Variants in WNT7A observed in about 807,000 individuals in gnomAD.
The protein encoded by WNT7A is protein Wnt-7a.
Under a neutral mutation model 28.2 loss-of-function variants are expected in WNT7A, and 16 were observed. That is an observed-to-expected ratio of 0.57 (90% CI 0.38 to 0.86). WNT7A has a LOEUF of 0.86. Among genes scored for constraint, WNT7A ranks in the 40% least tolerant of loss-of-function variants. The pLI, the probability that WNT7A is intolerant of heterozygous loss-of-function variation, is 0.00. For synonymous variants in WNT7A, 190 were observed against 195.9 expected, an observed-to-expected ratio of 0.97 and a Z score of 0.25; for missense variants, 411 against 489.7, an observed-to-expected ratio of 0.84 and a Z score of 1.52.
At chr3:13,821,972 G>A (rs1424003565) in intron 3 of WNT7A, among the ~76,000 whole-genome samples, 1 of 152,178 alleles carries the variant, frequency 6.6e-6, no homozygotes, top group African/African-American at 2.4e-5. Context: ...TACAATCAAT[G>A]GCCAACAAGC....
chr3:13,822,231 T>C (rs531371819), intron 3 of WNT7A, among the ~76,000 whole-genome samples: 4 of 152,352 alleles, frequency 2.6e-5, no homozygotes, highest in South Asian at 4.1e-4. Context: ...CCTAGGCGTA[T>C]GCCCAAGAGA....
At chr3:13,858,019 G>A (rs1694774152) in intron 2 of WNT7A, among the ~76,000 whole-genome samples, 1 of 152,224 alleles carries the variant, frequency 6.6e-6, no homozygotes, top group African/African-American at 2.4e-5. Context: ...CAAGAGGGCT[G>A]AGAGGTAAGG....
intron 3 of WNT7A, among the ~76,000 whole-genome samples, chr3:13,847,835 T>A (rs924894696): frequency 2.0e-5 from 3 of 152,100 alleles, no homozygotes; most frequent in African/African-American, 4.8e-5. Flanking sequence ...GGTGGTTGTT[T>A]AACAGGGACA....
chr3:13,856,154 G>T (rs781664008), intron 2 of WNT7A, among the ~76,000 whole-genome samples: 1 of 152,164 alleles, frequency 6.6e-6, no homozygotes, highest in Admixed American at 6.5e-5. Flanking sequence ...TTGCCGTGGC[G>T]TGCCATGCCA....
intron 1 of WNT7A, among the ~76,000 whole-genome samples, chr3:13,876,675 C>T (rs1695115592): frequency 6.6e-6 from 1 of 152,138 alleles, no homozygotes; most frequent in South Asian, 2.1e-4. Context: ...TCACTCCTGC[C>T]GTTTCCCTAG....
At chr3:13,834,472 C>A (rs1388073740) in intron 3 of WNT7A, among the ~76,000 whole-genome samples, 9 of 151,994 alleles carry the variant, frequency 5.9e-5, no homozygotes, top group Non-Finnish European at 1.3e-4. Flanking sequence ...TACGGGGCTC[C>A]TTTTACTGTT....
chr3:13,871,412 C>T (rs1381437471), intron 2 of WNT7A, among the ~76,000 whole-genome samples: 2 of 152,138 alleles, frequency 1.3e-5, no homozygotes, highest in Non-Finnish European at 2.9e-5. Context: ...GAAACCTAAG[C>T]TCAGGGGCAT....
intron 3 of WNT7A, among the ~76,000 whole-genome samples, chr3:13,840,638 A>G (rs557438646): frequency 6.6e-6 from 1 of 152,094 alleles, no homozygotes; most frequent in African/African-American, 2.4e-5. Flanking sequence ...CCACCCATTC[A>G]GCCATCCATC....
chr3:13,855,374 T>TAA (rs34390487), intron 2 of WNT7A, among the ~76,000 whole-genome samples: 103,915 of 151,906 alleles, frequency 0.68, 37,359 homozygotes, highest in East Asian at 0.91. Context: ...TGAGGGAGAA[T>TAA]GAGTTTGTCC....
At chr3:13,848,067 T>TAAAAAA (rs58146750) in intron 3 of WNT7A, among the ~76,000 whole-genome samples, 1 of 151,568 alleles carries the variant, frequency 6.6e-6, no homozygotes, top group African/African-American at 2.4e-5. Flanking sequence ...ATGAATTTTT[T>TAAAAAA]AAAAAAAACA....
chr3:13,834,412 C>A (rs1284152735), intron 3 of WNT7A, among the ~76,000 whole-genome samples: 3 of 151,926 alleles, frequency 2.0e-5, no homozygotes, highest in Non-Finnish European at 4.4e-5. Flanking sequence ...CAGGGGCACG[C>A]TGTGGGTCAG....
intron 3 of WNT7A, among the ~76,000 whole-genome samples, chr3:13,837,747 T>C (rs1391018858): frequency 6.6e-6 from 1 of 152,180 alleles, no homozygotes; most frequent in Admixed American, 6.5e-5. Flanking sequence ...GGGTCACACC[T>C]GGCTGAACAT....
At chr3:13,877,304 G>C (rs1695124232) in intron 1 of WNT7A, 2 of 152,304 alleles carry the variant, frequency 1.3e-5, no homozygotes, top group Admixed American at 1.3e-4. Flanking sequence ...CCTGGAGGAA[G>C]GTTCTCAGCT....
At chr3:13,868,226 G>T (rs1169615634) in intron 2 of WNT7A, among the ~76,000 whole-genome samples, 3 of 152,014 alleles carry the variant, frequency 2.0e-5, no homozygotes, top group Non-Finnish European at 4.4e-5. Context: ...AGGTGCAGTG[G>T]CTCACACCTG....
chr3:13,845,802 A>G (rs1275350494), intron 3 of WNT7A, among the ~76,000 whole-genome samples: 1 of 152,360 alleles, frequency 6.6e-6, no homozygotes, highest in African/African-American at 2.4e-5. Flanking sequence ...CACCAAGAGT[A>G]TGCCAGGCCC....
At chr3:13,820,303 G>A (rs1013100211) in intron 3 of WNT7A, among the ~76,000 whole-genome samples, 3 of 152,090 alleles carry the variant, frequency 2.0e-5, no homozygotes, top group Non-Finnish European at 4.4e-5. Flanking sequence ...AGGGGTAAGT[G>A]AGTGGACATT....
At chr3:13,862,973 C>T (rs191730081) in intron 2 of WNT7A, among the ~76,000 whole-genome samples, 1 of 152,316 alleles carries the variant, frequency 6.6e-6, no homozygotes, top group Admixed American at 6.5e-5. Context: ...TCTGGGTTCA[C>T]ATCCTGACCC....
At chr3:13,844,997 C>T (rs1422680198) in intron 3 of WNT7A, among the ~76,000 whole-genome samples, 3 of 152,204 alleles carry the variant, frequency 2.0e-5, no homozygotes, top group Non-Finnish European at 2.9e-5. Context: ...CCCCGGTGTG[C>T]GTCTTTTGAC....
chr3:13,877,819 G>A (rs1483065750), intron 1 of WNT7A, among the ~76,000 whole-genome samples: 2 of 152,186 alleles, frequency 1.3e-5, no homozygotes, highest in African/African-American at 4.8e-5. Flanking sequence ...TATCGTTATC[G>A]GATCTGATTG....
Sources: gnomAD v4.1 joint callset for allele counts (sites outside exome capture counted in the v4.1 genomes callset) on GRCh38, gnomAD v4.1.1 for gene constraint, MANE v1.5 for transcripts, NCBI Gene and HGNC (gene_info 2026-07-23, HGNC 2026-07-21) for gene names.